CSMD1: variants seen among roughly 807,000 people sequenced by gnomAD.
CSMD1 encodes CUB and Sushi multiple domains 1.
A neutral mutation model predicts 417.5 loss-of-function variants in CSMD1; 213 were observed. That is an observed-to-expected ratio of 0.51 (90% CI 0.46 to 0.57). CSMD1 has a LOEUF of 0.57. CSMD1 is among the 20% of genes least tolerant of loss of function. The pLI, the probability that CSMD1 is intolerant of heterozygous loss-of-function variation, is 0.00. For synonymous variants in CSMD1, 2,862 were observed against 1,736.8 expected, an observed-to-expected ratio of 1.65 and a Z score of -16.11; for missense variants, 6,923 against 4,529.7, an observed-to-expected ratio of 1.53 and a Z score of -15.17.
intron 3 of CSMD1, among the ~76,000 whole-genome samples, chr8:4,192,261 G>C (rs1038127881): frequency 6.6e-6 from 1 of 152,162 alleles, no homozygotes; most frequent in Non-Finnish European, 1.5e-5. Context: ...TTATAAATTA[G>C]ATGACTGTCT....
chr8:4,608,009 G>A (rs1210573368), intron 2 of CSMD1, among the ~76,000 whole-genome samples: 4 of 152,206 alleles, frequency 2.6e-5, no homozygotes, highest in African/African-American at 9.6e-5. Flanking sequence ...AAGGCATCAG[G>A]GATAATGTGA....
chr8:4,351,965 C>CA (rs1801122946), intron 3 of CSMD1, among the ~76,000 whole-genome samples: 1 of 76,948 alleles, frequency 1.3e-5, no homozygotes, highest in African/African-American at 5.6e-5. Flanking sequence ...TTTTTTTTTT[C>CA]AGAAAAAAAA....
chr8:4,176,194 C>T (rs1355338543), intron 3 of CSMD1, among the ~76,000 whole-genome samples: 5 of 152,030 alleles, frequency 3.3e-5, no homozygotes, highest in African/African-American at 9.7e-5. Context: ...GAACCACATC[C>T]ACCCTGTTGG....
intron 7 of CSMD1, among the ~76,000 whole-genome samples, chr8:3,661,652 T>G (rs986827035): frequency 6.6e-6 from 1 of 152,016 alleles, no homozygotes; most frequent in Admixed American, 6.6e-5. Flanking sequence ...ATCCACCATC[T>G]CGCCCAGCTA....
chr8:4,740,747 T>A (rs1208401575), intron 1 of CSMD1, among the ~76,000 whole-genome samples: 1 of 152,148 alleles, frequency 6.6e-6, no homozygotes, highest in Non-Finnish European at 1.5e-5. Flanking sequence ...AGCAAGATCC[T>A]GTCTCAAAAT....
intron 5 of CSMD1, among the ~76,000 whole-genome samples, chr8:3,763,163 C>G (rs571687888): frequency 6.6e-6 from 1 of 152,266 alleles, no homozygotes; most frequent in East Asian, 1.9e-4. Context: ...GTCTCTTCAC[C>G]CACACTCCCA....
chr8:3,385,361 A>G (rs1810943064), intron 18 of CSMD1, among the ~76,000 whole-genome samples: 1 of 151,088 alleles, frequency 6.6e-6, no homozygotes, highest in Non-Finnish European at 1.5e-5. Context: ...GTTTTACCCT[A>G]CATGTTTTTA....
chr8:3,035,366 C>A (rs1344703273), intron 50 of CSMD1, among the ~76,000 whole-genome samples: 5 of 152,142 alleles, frequency 3.3e-5, no homozygotes, highest in Non-Finnish European at 7.3e-5. Flanking sequence ...GAGGGTATCA[C>A]TATTATTTGT....
chr8:4,919,145 C>A (rs1806266762), intron 1 of CSMD1, among the ~76,000 whole-genome samples: 1 of 152,096 alleles, frequency 6.6e-6, no homozygotes, highest in African/African-American at 2.4e-5. Flanking sequence ...TGGAAACATA[C>A]TCAGTTAAAA....
intron 6 of CSMD1, among the ~76,000 whole-genome samples, chr8:3,710,250 T>C (rs1239562515): frequency 6.6e-6 from 1 of 152,148 alleles, no homozygotes; most frequent in Non-Finnish European, 1.5e-5. Flanking sequence ...AGTGGATCCA[T>C]GCAGTTTAAA....
chr8:3,309,268 C>G (rs571314871), intron 23 of CSMD1, among the ~76,000 whole-genome samples: 1 of 152,006 alleles, frequency 6.6e-6, no homozygotes, highest in African/African-American at 2.4e-5. Context: ...TGTCAAGACC[C>G]GCCCACCTTC....
At chr8:4,154,323 A>G (rs1796717239) in intron 3 of CSMD1, among the ~76,000 whole-genome samples, 1 of 152,226 alleles carries the variant, frequency 6.6e-6, no homozygotes, top group African/African-American at 2.4e-5. Flanking sequence ...TTTAAGTTGA[A>G]AGGATGTAGT....
rs965559170 is a variant in CSMD1, at chr8:4,226,035, CAAGT to C, written c.415+193914_415+193917del. Among the ~76,000 whole-genome samples, 10 of 151,330 alleles carry C rather than the reference CAAGT, an allele frequency of 6.6e-5. No homozygotes were observed. In the South Asian group the frequency reaches 1.3e-3, roughly 19 times the overall value. ...CCATGAATATTTAGTTTTACCTACT[CAAGT>C]AAGCTGGAAGGTTAGAGCTGACAGG... is the stretch of plus-strand genomic sequence containing the variant. On this transcript the variant is annotated intron_variant, in intron 3 of 69. Coordinates refer to ENST00000635120, the MANE Select transcript of CSMD1 (RefSeq NM_033225.6).
chr8:3,936,326 G>A (rs1454423440), intron 5 of CSMD1, among the ~76,000 whole-genome samples: 2 of 152,290 alleles, frequency 1.3e-5, no homozygotes, highest in East Asian at 1.9e-4. Context: ...GATATTGAGT[G>A]TAAACAAAGC....
chr8:4,377,298 G>T (rs1417420043), intron 3 of CSMD1, among the ~76,000 whole-genome samples: 1 of 152,300 alleles, frequency 6.6e-6, no homozygotes. Context: ...GGGAGGAGGA[G>T]AAGTCACCAC....
At chr8:4,690,435 A>C (rs1481931951) in intron 1 of CSMD1, among the ~76,000 whole-genome samples, 1 of 152,216 alleles carries the variant, frequency 6.6e-6, no homozygotes. Flanking sequence ...AAAAAGAAGA[A>C]AGTTGCAGAA....
chr8:4,835,923 A>C (rs1563541129), intron 1 of CSMD1, among the ~76,000 whole-genome samples: 1 of 152,230 alleles, frequency 6.6e-6, no homozygotes, highest in African/African-American at 2.4e-5. Context: ...TACAGATTAT[A>C]AGTACAAAGG....
At chr8:3,974,431 T>C (rs1348686270) in intron 5 of CSMD1, among the ~76,000 whole-genome samples, 2 of 152,020 alleles carry the variant, frequency 1.3e-5, no homozygotes, top group Non-Finnish European at 2.9e-5. Context: ...AGGATATTCA[T>C]AAGGGTATGT....
At chr8:4,536,933 T>C (rs1797132075) in intron 2 of CSMD1, among the ~76,000 whole-genome samples, 1 of 152,202 alleles carries the variant, frequency 6.6e-6, no homozygotes, top group Admixed American at 6.5e-5. Context: ...AAATGTAAAA[T>C]GTTACTTATT....
Sources: allele counts gnomAD v4.1 joint callset (sites outside exome capture counted in the v4.1 genomes callset), GRCh38; gene constraint gnomAD v4.1.1; transcripts MANE v1.5; gene names NCBI Gene and HGNC (gene_info 2026-07-23, HGNC 2026-07-21).